Variants in EYS observed in about 807,000 individuals in gnomAD.
EYS encodes the protein EGF-like photoreceptor maintenance factor.
Under a neutral mutation model 282.1 loss-of-function variants are expected in EYS, and 250 were observed. The observed-to-expected ratio is 0.89, with a 90% confidence interval of 0.80 to 0.98. The LOEUF (loss-of-function observed/expected upper bound fraction) is 0.98, where lower values mean the gene tolerates loss of function less well. Ranked by LOEUF, EYS falls within the 50% of genes least tolerant of loss-of-function variation. The pLI, the probability that EYS is intolerant of heterozygous loss-of-function variation, is 0.00. For missense variants in EYS, 4,016 were observed against 3,709.0 expected (o/e 1.08, Z -2.15); for synonymous variants, 1,355 against 1,282.9 (o/e 1.06, Z -1.20).
chr6:65,354,831 G>GA (rs1185794747), intron 8 of EYS, among the ~76,000 whole-genome samples: 3 of 150,384 alleles, frequency 2.0e-5, no homozygotes, highest in Admixed American at 6.6e-5. Context: ...CAAAAAAAAT[G>GA]AAAAAGAAAG....
chr6:63,856,392 G>T (rs1391791303), intron 36 of EYS, among the ~76,000 whole-genome samples: 2 of 152,192 alleles, frequency 1.3e-5, no homozygotes, highest in Admixed American at 1.3e-4. Context: ...GGAGAATTCT[G>T]TGAGGTTGCT....
At chr6:64,701,479 T>G (rs1186430326) in intron 22 of EYS, among the ~76,000 whole-genome samples, 1 of 152,026 alleles carries the variant, frequency 6.6e-6, no homozygotes, top group African/African-American at 2.4e-5. Flanking sequence ...AAAAAACCAT[T>G]ATAAAAAGAT....
intron 12 of EYS, among the ~76,000 whole-genome samples, chr6:65,144,850 C>T (rs1285755567): frequency 2.6e-5 from 4 of 151,640 alleles, no homozygotes; most frequent in South Asian, 2.1e-4. Flanking sequence ...CTGCAACCTC[C>T]GCCTCCCAGG....
At chr6:65,115,705 C>G (rs1775349312) in intron 12 of EYS, among the ~76,000 whole-genome samples, 1 of 152,086 alleles carries the variant, frequency 6.6e-6, no homozygotes, top group Admixed American at 6.6e-5. Context: ...AAACTCAAAA[C>G]AGACTGTGGC....
chr6:65,419,149 G>C (rs1767357550), intron 5 of EYS, among the ~76,000 whole-genome samples: 1 of 151,602 alleles, frequency 6.6e-6, no homozygotes, highest in African/African-American at 2.4e-5. Context: ...ATTGGAAGGT[G>C]AATAAAATAT....
chr6:64,675,850 C>T lies in EYS; in HGVS notation c.3444-49605G>A, dbSNP rs184967891. 2.6e-3 allele frequency among the ~76,000 whole-genome samples: 398 copies of T among 151,444 alleles called. 1 individual carries two copies. The Middle Eastern group carries it at 0.045, about 17-fold the overall frequency. Reference sequence around the variant, plus strand: ...AGAAAGTTACTTAACTACTTAATCCCTTAGTTACTATTTGTAAAAGGGAAT... The same window carrying T: ...AGAAAGTTACTTAACTACTTAATCCTTTAGTTACTATTTGTAAAAGGGAAT... On this transcript the variant is annotated intron_variant, in intron 22 of 42. Coordinates refer to ENST00000503581, the MANE Select transcript of EYS (RefSeq NM_001142800.2).
At chr6:64,418,605 T>C (rs1266327733) in intron 28 of EYS, among the ~76,000 whole-genome samples, 1 of 152,164 alleles carries the variant, frequency 6.6e-6, no homozygotes, top group African/African-American at 2.4e-5. Context: ...AGAAGGAAAC[T>C]CTCATTGACT....
chr6:65,203,058 A>C (rs1173280861), intron 12 of EYS, among the ~76,000 whole-genome samples: 2 of 152,188 alleles, frequency 1.3e-5, no homozygotes, highest in Non-Finnish European at 2.9e-5. Flanking sequence ...GGAAACCCTG[A>C]GAGTCCAGGC....
At chr6:64,460,789 T>C (rs1198564964) in intron 26 of EYS, among the ~76,000 whole-genome samples, 1 of 152,178 alleles carries the variant, frequency 6.6e-6, no homozygotes, top group Non-Finnish European at 1.5e-5. Context: ...ATTTTTCATA[T>C]TTTACCTTAT....
At chr6:64,318,869 G>A (rs956057879) in intron 29 of EYS, among the ~76,000 whole-genome samples, 3 of 151,428 alleles carry the variant, frequency 2.0e-5, no homozygotes, top group African/African-American at 7.3e-5. Flanking sequence ...GGGTAAATGG[G>A]GTATCCAGCA....
intron 29 of EYS, among the ~76,000 whole-genome samples, chr6:64,321,802 T>C (rs1770228037): frequency 6.6e-6 from 1 of 151,936 alleles, no homozygotes; most frequent in South Asian, 2.1e-4. Context: ...TTGTTGTCTA[T>C]AAGGCCAACT....
At chr6:64,137,208 T>C (rs114277728) in intron 31 of EYS, among the ~76,000 whole-genome samples, 2,943 of 152,244 alleles carry the variant, frequency 0.019, 82 homozygotes, top group African/African-American at 0.066. Flanking sequence ...TCAGCCTTCA[T>C]AGAGTTGAAG....
chr6:65,178,391 C>A (rs1370935473), intron 12 of EYS, among the ~76,000 whole-genome samples: 1 of 151,886 alleles, frequency 6.6e-6, no homozygotes, highest in African/African-American at 2.4e-5. Context: ...ACAACTTTGT[C>A]TAATTTTGAC....
At chr6:65,346,987 C>T (rs181907997) in intron 9 of EYS, among the ~76,000 whole-genome samples, 50 of 151,776 alleles carry the variant, frequency 3.3e-4, no homozygotes, top group Middle Eastern at 6.8e-3. Flanking sequence ...TCTTAATAAC[C>T]AATGATACCA....
At chr6:64,550,384 C>A (rs1325278146) in intron 26 of EYS, among the ~76,000 whole-genome samples, 1 of 152,144 alleles carries the variant, frequency 6.6e-6, no homozygotes, top group East Asian at 1.9e-4. Context: ...TTCTCCACAT[C>A]CTCTCCAGCA....
chr6:65,111,421 A>T (rs1775208348), intron 12 of EYS, among the ~76,000 whole-genome samples: 1 of 152,204 alleles, frequency 6.6e-6, no homozygotes, highest in South Asian at 2.1e-4. Flanking sequence ...CAATATAGAC[A>T]AAATATATAT....
At chr6:64,471,332 G>A (rs34865534) in intron 26 of EYS, among the ~76,000 whole-genome samples, 48,090 of 151,864 alleles carry the variant, frequency 0.32, 7,713 homozygotes, top group East Asian at 0.5. Context: ...ATAATCCTAT[G>A]TAGAGAAAAG....
At chr6:64,373,403 G>T (rs1561957287) in intron 29 of EYS, among the ~76,000 whole-genome samples, 1 of 152,334 alleles carries the variant, frequency 6.6e-6, no homozygotes, top group Admixed American at 6.5e-5. Context: ...TCAGGCAGGG[G>T]CTGCTGTTGG....
chr6:65,457,224 G>T (rs1282442728), intron 5 of EYS, among the ~76,000 whole-genome samples: 3 of 152,112 alleles, frequency 2.0e-5, no homozygotes, highest in Non-Finnish European at 4.4e-5. Flanking sequence ...GGAGTGCAGA[G>T]GCACAAACAC....
Sources: allele counts gnomAD v4.1 joint callset (sites outside exome capture counted in the v4.1 genomes callset), GRCh38; gene constraint gnomAD v4.1.1; transcripts MANE v1.5; gene names NCBI Gene and HGNC (gene_info 2026-07-23, HGNC 2026-07-21).